Variants in SYTL5 observed in about 807,000 individuals in gnomAD.
The protein encoded by SYTL5 is synaptotagmin like 5.
Under a neutral mutation model 55.9 loss-of-function variants are expected in SYTL5, and 34 were observed. The ratio of observed to expected loss-of-function variants is 0.61; its 90% confidence interval spans 0.46 to 0.81. SYTL5 has a LOEUF of 0.81. Among genes scored for constraint, SYTL5 ranks in the 30% least tolerant of loss-of-function variants. The probability of loss-of-function intolerance (pLI) is 0.00; values close to 1 mark genes in which losing one functional copy is unlikely to be tolerated. For missense variants in SYTL5, 637 were observed against 546.7 expected (o/e 1.17, Z -1.65); for synonymous variants, 221 against 188.7 (o/e 1.17, Z -1.40).
chrX:37,897,703 C>A, the SYTL5 span, among the ~76,000 whole-genome samples: 2 of 111,435 alleles, frequency 1.8e-5, no homozygotes, highest in Non-Finnish European at 1.9e-5. Context: ...ATAGCCTGCT[C>A]AGTCTGCTAC....
the SYTL5 span, among the ~76,000 whole-genome samples, chrX:37,910,154 T>A: frequency 9.0e-6 from 1 of 111,557 alleles, no homozygotes; most frequent in Non-Finnish European, 1.9e-5. Flanking sequence ...ACAGACTGGG[T>A]GATTTAAGCA....
chrX:37,962,893 G>T, the SYTL5 span, among the ~76,000 whole-genome samples: 1 of 111,483 alleles, frequency 9.0e-6, no homozygotes, highest in Non-Finnish European at 1.9e-5. Flanking sequence ...CGTCCCAAAG[G>T]CGCCACCTCC....
At chrX:37,950,275 G>A in the SYTL5 span, among the ~76,000 whole-genome samples, 1 of 111,096 alleles carries the variant, frequency 9.0e-6, no homozygotes, top group Non-Finnish European at 1.9e-5. Context: ...GTTGGCACCT[G>A]TTCCTCTACT....
At chrX:37,888,930 CA>C in the SYTL5 span, among the ~76,000 whole-genome samples, 5,415 of 54,100 alleles carry the variant, frequency 0.1, 222 homozygotes, top group African/African-American at 0.17. Flanking sequence ...GACTCTGTCT[CA>C]AAAAAAAAAA....
chrX:38,027,454 C>T (rs1934814506), intron 1 of SYTL5, among the ~76,000 whole-genome samples: 1 of 111,122 alleles, frequency 9.0e-6, no homozygotes, highest in Admixed American at 9.6e-5. Context: ...AATTGGTTAA[C>T]AGGAATAAGC....
At chrX:37,911,268 G>A in the SYTL5 span, among the ~76,000 whole-genome samples, 3 of 110,924 alleles carry the variant, frequency 2.7e-5, no homozygotes, top group African/African-American at 9.9e-5. Flanking sequence ...TACTGTGCCC[G>A]GCCAGCATTA....
At chrX:37,991,028 C>T in the SYTL5 span, 1 of 1,211,875 alleles carries the variant, frequency 8.3e-7, no homozygotes, top group Non-Finnish European at 1.1e-6. Flanking sequence ...TTGCTGACTA[C>T]ATCATGGAGC....
chrX:37,944,019 G>A, the SYTL5 span, among the ~76,000 whole-genome samples: 1 of 110,433 alleles, frequency 9.1e-6, no homozygotes, highest in Non-Finnish European at 1.9e-5. Context: ...CTGCTTTTCT[G>A]GAGCTTTTTA....
At chrX:38,052,665 G>A (rs1935655592) in intron 2 of SYTL5, among the ~76,000 whole-genome samples, 2 of 112,096 alleles carry the variant, frequency 1.8e-5, no homozygotes, top group South Asian at 7.4e-4. Flanking sequence ...CATGAAATTG[G>A]ATCCTGAGCA....
At chrX:37,920,774 C>G in the SYTL5 span, among the ~76,000 whole-genome samples, 1 of 111,261 alleles carries the variant, frequency 9.0e-6, no homozygotes, top group Non-Finnish European at 1.9e-5. Flanking sequence ...TATCCCCATT[C>G]CCTACATCAG....
intron 14 of SYTL5, 49 bp from the exon 15 acceptor site, chrX:38,122,031 T>C: frequency 9.6e-7 from 1 of 1,039,601 alleles, no homozygotes; most frequent in Non-Finnish European, 1.3e-6. Context: ...GATTTATCTA[T>C]TTTTTTTTCT....
At chrX:38,049,940 C>T (rs1296294515) in intron 2 of SYTL5, among the ~76,000 whole-genome samples, 1 of 111,570 alleles carries the variant, frequency 9.0e-6, no homozygotes, top group Non-Finnish European at 1.9e-5. Context: ...GACAGAGAGA[C>T]GTTAAATAAT....
intron 10 of SYTL5, among the ~76,000 whole-genome samples, chrX:38,103,276 A>G (rs1170797664): frequency 8.9e-6 from 1 of 112,388 alleles, no homozygotes; most frequent in Non-Finnish European, 1.9e-5. Flanking sequence ...TTCATTAAAC[A>G]TTGGAATCTG....
At chrX:38,095,226 A>G (rs1357283017) in intron 8 of SYTL5, among the ~76,000 whole-genome samples, 1 of 111,903 alleles carries the variant, frequency 8.9e-6, no homozygotes, top group African/African-American at 3.2e-5. Context: ...GCTCAGGAGT[A>G]AAAAAGCTGT....
At chrX:37,992,684 T>G in the SYTL5 span, among the ~76,000 whole-genome samples, 1 of 112,419 alleles carries the variant, frequency 8.9e-6, no homozygotes, top group Non-Finnish European at 1.9e-5. Flanking sequence ...CAAGGTGCAG[T>G]GGTCCTGGTT....
At chrX:38,108,760 A>C (rs1937281742) in intron 12 of SYTL5, 61 bp downstream of exon 12, 1 of 699,161 alleles carries the variant, frequency 1.4e-6, no homozygotes, top group Non-Finnish European at 2.2e-6. Context: ...AATGGTTTAG[A>C]AGTAACTACA....
the SYTL5 span, among the ~76,000 whole-genome samples, chrX:37,970,538 A>G: frequency 9.0e-6 from 1 of 111,222 alleles, no homozygotes; most frequent in Non-Finnish European, 1.9e-5. Flanking sequence ...TTAAATTAGA[A>G]TTGCCCATTT....
chrX:37,909,433 T>C, the SYTL5 span, among the ~76,000 whole-genome samples: 1 of 111,788 alleles, frequency 8.9e-6, no homozygotes, highest in Non-Finnish European at 1.9e-5. Flanking sequence ...TGAATGTGGC[T>C]CAACACAAAT....
In SYTL5 at chrX:38,075,044, A is replaced by G. The variant is rs547694012; in HGVS notation, c.554+1346A>G. On this transcript the variant is annotated intron_variant, in intron 5 of 16. Coordinates refer to ENST00000297875, the MANE Select transcript of SYTL5 (RefSeq NM_138780.3). ...CTCATCAAAAACAATCAGTGGCTTG[A>G]TTGAATAAGTAACTCAGAGCCCACA... 1.3e-3 allele frequency among the ~76,000 whole-genome samples: 145 copies of G among 111,511 alleles called. 2 individuals carry two copies. The Middle Eastern group carries it at 0.019, about 14-fold the overall frequency.
Sources: allele counts gnomAD v4.1 joint callset (sites outside exome capture counted in the v4.1 genomes callset), GRCh38; gene constraint gnomAD v4.1.1; transcripts MANE v1.5; gene names NCBI Gene and HGNC (gene_info 2026-07-23, HGNC 2026-07-21).